Variants in TFDP2 observed in about 807,000 individuals in gnomAD.
The protein encoded by TFDP2 is transcription factor Dp-2 (E2F dimerization partner 2).
In TFDP2, 17 loss-of-function variants were observed where a neutral mutation model predicts 59.3. The observed-to-expected ratio is 0.29, with a 90% confidence interval of 0.20 to 0.43. The LOEUF (loss-of-function observed/expected upper bound fraction) is 0.43. TFDP2 is among the 20% of genes least tolerant of loss of function. TFDP2 has a pLI of 1.00. For missense variants in TFDP2, 391 were observed against 528.8 expected (o/e 0.74, Z 2.56); for synonymous variants, 180 against 194.7 (o/e 0.92, Z 0.63).
In TFDP2 at chr3:141,950,132, T is replaced by C. The variant is rs11569293; in HGVS notation, c.*2381A>G. The C allele has an allele frequency of 0.016, 2,370 of 152,322 alleles. 27 individuals are homozygous for C. The highest frequency in any genetic ancestry group is 0.044 in the Middle Eastern group (13 of 294). 9.4% of individuals were successfully genotyped at this position (152,322 alleles called of 1,614,324 possible). The stretch of plus-strand genomic sequence containing the variant: ...CATGGTTTCCTAACACTGCCTCACT[T>C]TGATCTTGTGTGAAATTGTGACTCA... On this transcript the variant is annotated 3_prime_UTR_variant, in exon 13 of 13. Transcript: ENST00000489671.
At chr3:142,137,885 T>C (rs112680502) in intron 1 of TFDP2, among the ~76,000 whole-genome samples, 1,553 of 152,328 alleles carry the variant, frequency 0.01, 22 homozygotes, top group African/African-American at 0.035. Context: ...GATGCTGGCC[T>C]CATAAAATGA....
chr3:142,013,184 AAGAG>A (rs988561043), intron 3 of TFDP2, among the ~76,000 whole-genome samples: 2 of 152,056 alleles, frequency 1.3e-5, no homozygotes, highest in Admixed American at 1.3e-4. Context: ...CATTCTGAAA[AAGAG>A]AGAGAGAATG....
chr3:142,005,972 A>G (rs1266589192), intron 3 of TFDP2, among the ~76,000 whole-genome samples: 1 of 152,166 alleles, frequency 6.6e-6, no homozygotes, highest in Non-Finnish European at 1.5e-5. Context: ...TAAAATAACT[A>G]TTCAGATTTC....
intron 3 of TFDP2, among the ~76,000 whole-genome samples, chr3:142,062,193 G>T (rs1430720690): frequency 6.6e-6 from 1 of 151,632 alleles, no homozygotes; most frequent in Non-Finnish European, 1.5e-5. Context: ...TTACTTTATT[G>T]TAAGAATACA....
At chr3:142,001,383 T>C (rs1943752712) in intron 4 of TFDP2, among the ~76,000 whole-genome samples, 1 of 152,172 alleles carries the variant, frequency 6.6e-6, no homozygotes, top group Non-Finnish European at 1.5e-5. Context: ...CAGGAAGGGA[T>C]TGCCAGGGTT....
At chr3:142,144,518 CTTAG>C (rs764468916) in intron 1 of TFDP2, among the ~76,000 whole-genome samples, 18 of 152,244 alleles carry the variant, frequency 1.2e-4, no homozygotes, top group Middle Eastern at 3.4e-3. Flanking sequence ...AAAGAAAATA[CTTAG>C]TTATTTATTT....
chr3:142,081,803 C>T (rs191585854), intron 3 of TFDP2, among the ~76,000 whole-genome samples: 45 of 152,206 alleles, frequency 3.0e-4, no homozygotes, highest in Admixed American at 2.9e-3. Context: ...CCTGAACAGA[C>T]CAATAACAAG....
intron 9 of TFDP2, among the ~76,000 whole-genome samples, chr3:141,965,746 T>A (rs930801383): frequency 6.6e-6 from 1 of 152,012 alleles, no homozygotes; most frequent in Admixed American, 6.6e-5. Flanking sequence ...ATTGTAGACC[T>A]AAGTGTGTCC....
At chr3:142,008,890 T>C (rs1323185855) in intron 3 of TFDP2, among the ~76,000 whole-genome samples, 5 of 152,130 alleles carry the variant, frequency 3.3e-5, no homozygotes, top group South Asian at 2.1e-4. Flanking sequence ...CAGTGTGAAA[T>C]AGATTATTAG....
Position 141,961,237 on chromosome 3 carries a change from GTT to G in TFDP2, c.885-1399_885-1398del, listed in dbSNP as rs1177754086. 4.3e-3 allele frequency among the ~76,000 whole-genome samples: 366 copies of G among 84,600 alleles called. 1 individual carries two copies. Among genetic ancestry groups the G allele is most frequent in the African/African-American group, 0.016 (326 of 20,862 alleles). 55.5% of individuals were successfully genotyped at this position (84,600 alleles called of 152,430 possible). A position where few individuals can be genotyped will look rare whatever the true frequency, so the allele number is the denominator to read the frequency against. Reference sequence around the variant, plus strand: ...TTTCCAGAATTCTCAGTTTTTTGTTGTTTTTTTTTTTTTTTTTTTTTTTTGAG... The same window carrying G: ...TTTCCAGAATTCTCAGTTTTTTGTTGTTTTTTTTTTTTTTTTTTTTTTGAG... On this transcript the variant is annotated intron_variant, in intron 10 of 12. Transcript: ENST00000489671.
At chr3:141,999,861 G>A (rs1229921083) in intron 4 of TFDP2, among the ~76,000 whole-genome samples, 3 of 151,536 alleles carry the variant, frequency 2.0e-5, no homozygotes, top group Non-Finnish European at 4.4e-5. Context: ...TCAGCCTCCT[G>A]AGTAGCTGGG....
chr3:142,137,949 G>C (rs1305929212), intron 1 of TFDP2, among the ~76,000 whole-genome samples: 1 of 152,176 alleles, frequency 6.6e-6, no homozygotes, highest in Non-Finnish European at 1.5e-5. Flanking sequence ...AGAAGGAATG[G>C]TACCAGCTCC....
intron 6 of TFDP2, among the ~76,000 whole-genome samples, chr3:141,984,779 CA>C (rs1276374479): frequency 1.3e-5 from 2 of 152,058 alleles, no homozygotes; most frequent in African/African-American, 4.8e-5. Context: ...CTTTATTAGC[CA>C]GTGTATTTCT....
chr3:141,958,349 T>A (rs898915363), intron 11 of TFDP2, among the ~76,000 whole-genome samples: 2 of 152,186 alleles, frequency 1.3e-5, no homozygotes, highest in African/African-American at 4.8e-5. Context: ...CATGGATGAC[T>A]CTAAAGAACA....
chr3:142,099,267 G>C (rs1338917742), intron 2 of TFDP2, among the ~76,000 whole-genome samples: 2 of 152,114 alleles, frequency 1.3e-5, no homozygotes, highest in Admixed American at 6.5e-5. Context: ...CCCATTCTTT[G>C]AGTGTCCTTT....
At chr3:142,071,973 A>G (rs1030827890) in intron 3 of TFDP2, among the ~76,000 whole-genome samples, 33 of 152,210 alleles carry the variant, frequency 2.2e-4, no homozygotes, top group African/African-American at 8.0e-4. Context: ...ATACATATAC[A>G]TAACAGATGA....
At chr3:141,975,661 T>C (rs1190380559) in intron 7 of TFDP2, among the ~76,000 whole-genome samples, 1 of 139,550 alleles carries the variant, frequency 7.2e-6, no homozygotes, top group East Asian at 2.2e-4. Context: ...GCCACTGCAC[T>C]CCAGTCTGGG....
Position 141,949,806 on chromosome 3 carries a change from C to CCTTTTTTTTT in TFDP2, c.*2706_*2707insAAAAAAAAAG, listed in dbSNP as rs1559898170. 1 of 34,864 alleles carries CCTTTTTTTTT rather than the reference C, an allele frequency of 2.9e-5. No homozygotes were observed. The highest frequency in any genetic ancestry group is 1.9e-4 in the African/African-American group (1 of 5,376). The allele number at this position is 34,864 out of a possible 1,614,324, so 2.2% of individuals were successfully genotyped here. A position where few individuals can be genotyped will look rare whatever the true frequency, so the allele number is the denominator to read the frequency against. On this transcript the variant is annotated 3_prime_UTR_variant, in exon 13 of 13. Coordinates refer to ENST00000489671, the MANE Select transcript of TFDP2 (RefSeq NM_001178139.2). ...GCCTGGGCATTGTGACCACAACTTC[C>CCTTTTTTTTT]ATTTTTTTTTTTTTTTTTTTTGAGA...
chr3:141,993,599 AAGAT>A lies in TFDP2; in HGVS notation c.309-18_309-15del, dbSNP rs1256014772. 1.3e-6 allele frequency: 2 copies of A among 1,489,652 alleles called. No individual in the cohort carries two copies. Among genetic ancestry groups the A allele is most frequent in the Non-Finnish European group, 1.9e-6 (2 of 1,080,522 alleles). The allele number at this position is 1,489,652 out of a possible 1,614,324, so 92.3% of individuals were successfully genotyped here. On this transcript the variant is annotated splice_polypyrimidine_tract_variant and intron_variant, in intron 5 of 12. Coordinates refer to ENST00000489671, the MANE Select transcript of TFDP2 (RefSeq NM_001178139.2). ...CGTTTTCTATCACTAAAAAGGAAAA[AAGAT>A]AGCATAAAAACAATACATACTTAAA...
Sources: gnomAD v4.1 joint callset for allele counts (sites outside exome capture counted in the v4.1 genomes callset) on GRCh38, gnomAD v4.1.1 for gene constraint, MANE v1.5 for transcripts, NCBI Gene and HGNC (gene_info 2026-07-23, HGNC 2026-07-21) for gene names.